The following CNTNAP1 variants were observed in gnomAD, a reference collection of about 807,000 sequenced individuals.
CNTNAP1 encodes the protein contactin associated protein 1, also known as contactin-associated protein 1.
CNTNAP1 carries 80 observed loss-of-function variants against 161.5 expected under a neutral mutation model. That is an observed-to-expected ratio of 0.50 (90% CI 0.41 to 0.60). The LOEUF is 0.60. CNTNAP1 is among the 20% of genes least tolerant of loss of function. The probability of loss-of-function intolerance (pLI) is 0.00; values close to 1 mark genes in which losing one functional copy is unlikely to be tolerated. For synonymous variants in CNTNAP1, 695 were observed against 733.1 expected (o/e 0.95, Z 0.84); for missense variants, 1,464 against 1,854.8 (o/e 0.79, Z 3.87).
At position 42,687,673 on chromosome 17, in the gene CNTNAP1, G is replaced by A. The variant is rs1358475040; in HGVS notation, c.1045-47G>A. 2 of 1,596,068 alleles carry A rather than the reference G, an allele frequency of 1.3e-6. No homozygotes were observed. Among genetic ancestry groups the A allele is most frequent in the Admixed American group, 3.4e-5 (2 of 58,524 alleles). The stretch of plus-strand genomic sequence containing the variant: ...TGTGAAAACTGAATTCCCAGCTGAG[G>A]CAGAGGCGGCTCACGGGTGTTGATG... On this transcript the variant is annotated intron_variant, in intron 7 of 23. Transcript: ENST00000264638. This position sits in a 1 kb window ranked among gnomAD's most constrained non-coding sequence, Gnocchi z 4.7.
chr17:42,687,982 G>A lies in CNTNAP1; in HGVS notation c.1306+1G>A. On this transcript the variant is annotated splice_donor_variant, in intron 8 of 23. Coordinates refer to ENST00000264638, the MANE Select transcript of CNTNAP1 (RefSeq NM_003632.3). LOFTEE classifies it high-confidence loss of function. The surrounding 1 kb of genome is among the most constrained non-coding windows in gnomAD (Gnocchi z 4.7). ...CGAAAGAAGCTTCAGTTCGCTGCTG[G>A]TGAGGGCGTTTCGGGGGAGGCACAA... 3.1e-6 allele frequency: 5 copies of A among 1,611,528 alleles called. No individual in the cohort carries two copies. The highest frequency in any genetic ancestry group is 4.2e-6 in the Non-Finnish European group (5 of 1,178,430).
In CNTNAP1 at chr17:42,687,815, T is replaced by G. The variant is rs751389619; in HGVS notation, c.1140T>G (p.Arg380=). ...TTCAAGTGCCCGGTTTCCCACGCCG[T>G]GGCCGCCTGGCAGTCTCATTTCGCT... The part of the protein sequence containing the change: ...NFVQVPGFPR[R]GRLAVSFRFR... Residue 380 remains arginine (R), a synonymous_variant, in exon 8 of 24, where the codon CGT becomes CGG. Coordinates refer to ENST00000264638, the MANE Select transcript of CNTNAP1 (RefSeq NM_003632.3). The surrounding 1 kb of genome is among the most constrained non-coding windows in gnomAD (Gnocchi z 4.7). The G allele has an allele frequency of 5.6e-6, 9 of 1,614,120 alleles. No homozygotes were observed. In the African/African-American group the frequency reaches 1.2e-4, roughly 22 times the overall value.
rs2053049754 is a variant in CNTNAP1, at chr17:42,688,786, CCTTT to C, written c.1457-89_1457-86del. Reference sequence around the variant, plus strand: ...CACTTTGGTTGTAGTCCCCTTTCTTCCTTTATGTCTGGCTCCCCCTCAGCATGTC... The same window carrying C: ...CACTTTGGTTGTAGTCCCCTTTCTTCATGTCTGGCTCCCCCTCAGCATGTC... On this transcript the variant is annotated intron_variant, in intron 9 of 23. Coordinates refer to ENST00000264638, the MANE Select transcript of CNTNAP1 (RefSeq NM_003632.3). The C allele has an allele frequency of 2.6e-6, 4 of 1,552,614 alleles. No homozygotes were observed. The African/African-American group carries it at 4.1e-5, about 16-fold the overall frequency.
At chr17:42,697,447 G>A in intron 21 of CNTNAP1, 80 bp downstream of exon 21, 1 of 1,606,506 alleles carries the variant, frequency 6.2e-7, no homozygotes, top group South Asian at 1.1e-5. Flanking sequence ...TGAAGGCCCT[G>A]GGAATGGCTG....
At chr17:42,683,573 G>C in intron 1 of CNTNAP1, 3 of 1,370,136 alleles carry the variant, frequency 2.2e-6, no homozygotes, top group Non-Finnish European at 2.8e-6. Context: ...GGCTAGCTAG[G>C]GAGGGTCTGG....
At chr17:42,698,473 G>A (rs1007899258) in intron 23 of CNTNAP1, 145 bp from the exon 24 acceptor site, 55 of 633,658 alleles carry the variant, frequency 8.7e-5, no homozygotes, top group Admixed American at 4.3e-4. Context: ...GTGTGTGTGT[G>A]TGTGTGTGCA....
At chr17:42,698,530 A>AGTGCGT (rs1353435067) in intron 23 of CNTNAP1, 88 bp from the exon 24 acceptor site, 2 of 1,039,656 alleles carry the variant, frequency 1.9e-6, no homozygotes, top group East Asian at 2.4e-5. Context: ...AATCTCAAAG[A>AGTGCGT]GTGCGTGTGT....
rs772489018 is a variant in CNTNAP1 at position 42,685,036 on chromosome 17, C to G, written c.409C>G (p.Leu137Val). 5 of 1,594,096 alleles carry G rather than the reference C, an allele frequency of 3.1e-6. No homozygotes were observed. In the East Asian group the frequency reaches 1.1e-4, roughly 36 times the overall value. The change falls in exon 4 of 24, where the codon CTG (leucine) becomes GTG (valine). Residue 137 changes from leucine to valine, a missense_variant. Leu to Val is a conservative substitution (Grantham distance 32). Around this residue, in one of 3 missense-constraint regions of CNTNAP1, gnomAD observed 1,383 missense variants for 1,765.0 expected, o/e 0.78. Coordinates refer to ENST00000264638, the MANE Select transcript of CNTNAP1 (RefSeq NM_003632.3). This position sits in a 1 kb window ranked among gnomAD's most constrained non-coding sequence, Gnocchi z 5.0. ...VNESAVVRHD[L>V]HFHFTARYIR... ...CGAGTCGGCGGTGGTGCGCCATGAC[C>G]TGCACTTCCACTTCACTGCGCGCTA...
Position 42,691,179 on chromosome 17 carries a change from A to C in CNTNAP1, c.2102A>C (p.Gln701Pro), listed in dbSNP as rs774403067. 1 of 1,614,202 alleles carries C rather than the reference A, an allele frequency of 6.2e-7. No homozygotes were observed. Among genetic ancestry groups the C allele is most frequent in the Non-Finnish European group, 8.5e-7 (1 of 1,180,008 alleles). The change falls in exon 14 of 24, where the codon CAG becomes CCG. Residue 701 changes from glutamine (Q) to proline (P), a missense_variant. Gln to Pro is a moderately conservative substitution (Grantham distance 76, BLOSUM62 -1). Around this residue, in one of 3 missense-constraint regions of CNTNAP1, gnomAD observed 1,383 missense variants for 1,765.0 expected, o/e 0.78. Transcript: ENST00000264638. This position sits in a 1 kb window ranked among gnomAD's most constrained non-coding sequence, Gnocchi z 4.3. ...YSFWIGRNEE[Q>P]HFYWGGSQPG... ...TTTTGGATTGGCCGAAATGAGGAGC[A>C]GCACTTCTACTGGGGAGGCTCCCAG...
Position 42,691,584 on chromosome 17 carries a change from A to C in CNTNAP1, c.2344+73A>C. On this transcript the variant is annotated intron_variant, in intron 15 of 23. Coordinates refer to ENST00000264638, the MANE Select transcript of CNTNAP1 (RefSeq NM_003632.3). The surrounding 1 kb of genome is among the most constrained non-coding windows in gnomAD (Gnocchi z 4.3). Reference sequence around the variant, plus strand: ...GTTTCCAAAATCTAGGCCGCATGTCACTGGTGGTCTCTAGCTGGGGTGCCC... The same window carrying C: ...GTTTCCAAAATCTAGGCCGCATGTCCCTGGTGGTCTCTAGCTGGGGTGCCC... The C allele has an allele frequency of 1.9e-6, 3 of 1,590,904 alleles. No homozygotes were observed. Among genetic ancestry groups the C allele is most frequent in the Non-Finnish European group, 2.6e-6 (3 of 1,168,680 alleles).
intron 23 of CNTNAP1, 84 bp from the exon 24 acceptor site, chr17:42,698,534 C>CGG: frequency 1.2e-6 from 1 of 863,910 alleles, no homozygotes; most frequent in Non-Finnish European, 1.7e-6. Flanking sequence ...TCAAAGAGTG[C>CGG]GTGTGTGTGT....
chr17:42,691,840 G>A lies in CNTNAP1; in HGVS notation c.2379G>A (p.Gly793=), dbSNP rs1400848710. The change falls in exon 16 of 24, where the codon GGG becomes GGA. Residue 793 remains glycine, a synonymous_variant. Coordinates refer to ENST00000264638, the MANE Select transcript of CNTNAP1 (RefSeq NM_003632.3). The surrounding 1 kb of genome is among the most constrained non-coding windows in gnomAD (Gnocchi z 4.3). ...NSWNTISFHT[G]AALRFPPIRA... ...GGAACACCATTTCCTTCCACACCGG[G>A]GCTGCACTACGCTTCCCCCCAATCC... The A allele has an allele frequency of 6.2e-7, 1 of 1,613,892 alleles. No individual in the cohort carries two copies. The highest frequency in any genetic ancestry group is 1.7e-5 in the Admixed American group (1 of 59,984).
intron 1 of CNTNAP1, 70 bp downstream of exon 1, chr17:42,682,966 C>A (rs1478195187): frequency 3.5e-6 from 5 of 1,416,244 alleles, no homozygotes; most frequent in Admixed American, 2.3e-5. Context: ...GGCCCCGAAC[C>A]GCATTGCGGC....
chr17:42,696,242 T>A, intron 20 of CNTNAP1, 90 bp downstream of exon 20: 2 of 1,497,380 alleles, frequency 1.3e-6, no homozygotes, highest in Non-Finnish European at 1.8e-6. Flanking sequence ...TTAATATTTG[T>A]AGATCACATT....
In CNTNAP1 at chr17:42,686,469, G is replaced by GTTTT. The variant is rs748366958; in HGVS notation, c.900+349_900+352dup. 5.8e-3 allele frequency among the ~76,000 whole-genome samples: 415 copies of GTTTT among 71,220 alleles called. 6 individuals are homozygous for GTTTT. Among genetic ancestry groups the GTTTT allele is most frequent in the Middle Eastern group, 0.026 (2 of 76 alleles). 46.7% of individuals were successfully genotyped at this position (71,220 alleles called of 152,430 possible). A position where few individuals can be genotyped will look rare whatever the true frequency, so the allele number is the denominator to read the frequency against. ...CTTGCCACTCACCAGAAAAAGGCCT[G>GTTTT]TTTTTTTTTTTTTTTTTTTTTTTTG... On this transcript the variant is annotated intron_variant, in intron 6 of 23. Coordinates refer to ENST00000264638, the MANE Select transcript of CNTNAP1 (RefSeq NM_003632.3).
intron 17 of CNTNAP1, 77 bp downstream of exon 17, chr17:42,692,797 G>A (rs542858118): frequency 6.6e-6 from 9 of 1,371,754 alleles, no homozygotes; most frequent in Middle Eastern, 2.6e-4. Flanking sequence ...TTGTTTCCAG[G>A]AGCCTCCTGT....
In CNTNAP1 at chr17:42,693,191, G is replaced by C. The variant is rs1056965705; in HGVS notation, c.2753-106G>C. ...AGCCAGGATGGTCTCGATCTCCTGA[G>C]CTCGTGATTCGCCCGCCTCGGCCTC... On this transcript the variant is annotated intron_variant, in intron 17 of 23. Transcript: ENST00000264638. 7.6e-5 allele frequency: 100 copies of C among 1,316,418 alleles called. No individual in the cohort carries two copies. The East Asian group carries it at 1.9e-3, about 25-fold the overall frequency. 81.5% of individuals were successfully genotyped at this position (1,316,418 alleles called of 1,614,324 possible).
chr17:42,683,523 G>C (rs1437333768), intron 1 of CNTNAP1: 1 of 1,246,714 alleles, frequency 8.0e-7, no homozygotes, highest in African/African-American at 1.5e-5. Context: ...CTGAGGTTTA[G>C]GATTGAGTTT....
At chr17:42,690,350 TA>T in intron 12 of CNTNAP1, 143 bp downstream of exon 12, 2 of 1,035,688 alleles carry the variant, frequency 1.9e-6, no homozygotes, top group Non-Finnish European at 2.8e-6. Flanking sequence ...AACCTAGCCT[TA>T]AAAGTAAATC....
Sources: allele counts gnomAD v4.1 joint callset (sites outside exome capture counted in the v4.1 genomes callset), GRCh38; gene constraint gnomAD v4.1.1; regional missense constraint gnomAD v4.1.1; non-coding constraint Gnocchi (gnomAD v3.1); transcripts MANE v1.5; gene names NCBI Gene and HGNC (gene_info 2026-07-23, HGNC 2026-07-21).